Variants in CSMD1 observed in about 807,000 individuals in gnomAD.
CSMD1 encodes CUB and sushi domain-containing protein 1.
CSMD1 carries 213 observed loss-of-function variants against 417.5 expected under a neutral mutation model. That is an observed-to-expected ratio of 0.51 (90% CI 0.46 to 0.57). CSMD1 has a LOEUF of 0.57. CSMD1 is among the 20% of genes least tolerant of loss of function. The pLI, the probability that CSMD1 is intolerant of heterozygous loss-of-function variation, is 0.00. For synonymous variants in CSMD1, 2,862 were observed against 1,736.8 expected, an observed-to-expected ratio of 1.65 and a Z score of -16.11; for missense variants, 6,923 against 4,529.7, an observed-to-expected ratio of 1.53 and a Z score of -15.17.
intron 5 of CSMD1, among the ~76,000 whole-genome samples, chr8:3,803,050 T>C (rs956152151): frequency 2.0e-5 from 3 of 152,140 alleles, no homozygotes; most frequent in African/African-American, 7.2e-5. Context: ...ATGCGGAAGA[T>C]GAATAAAGTG....
At chr8:4,565,396 C>A (rs926715811) in intron 2 of CSMD1, among the ~76,000 whole-genome samples, 3 of 152,080 alleles carry the variant, frequency 2.0e-5, no homozygotes, top group African/African-American at 7.2e-5. Flanking sequence ...TTAACCTCTT[C>A]ATTTTACATT....
intron 5 of CSMD1, among the ~76,000 whole-genome samples, chr8:3,796,106 A>C (rs867152474): frequency 7.1e-5 from 1 of 14,060 alleles, no homozygotes; most frequent in African/African-American, 1.9e-4. Context: ...AGATATAGAT[A>C]TATATCTATC....
At chr8:4,865,958 T>A (rs1251395878) in intron 1 of CSMD1, among the ~76,000 whole-genome samples, 1 of 151,760 alleles carries the variant, frequency 6.6e-6, no homozygotes, top group South Asian at 2.1e-4. Flanking sequence ...TTTTTAAAAA[T>A]ATATTTACAC....
At chr8:4,939,732 C>T (rs1276350926) in intron 1 of CSMD1, among the ~76,000 whole-genome samples, 4 of 152,088 alleles carry the variant, frequency 2.6e-5, no homozygotes, top group African/African-American at 4.8e-5. Context: ...TATTGTACAG[C>T]ACAGAGAGTA....
chr8:4,911,478 T>A (rs934809553), intron 1 of CSMD1, among the ~76,000 whole-genome samples: 2 of 152,150 alleles, frequency 1.3e-5, no homozygotes, highest in African/African-American at 4.8e-5. Context: ...GTGATTAAGG[T>A]GTGGGTCTAT....
intron 7 of CSMD1, among the ~76,000 whole-genome samples, chr8:3,622,279 T>G (rs955470301): frequency 3.3e-5 from 5 of 152,198 alleles, no homozygotes; most frequent in African/African-American, 1.2e-4. Flanking sequence ...GCAAAATCAT[T>G]ATTGCTGTGG....
In CSMD1 at chr8:4,156,803, C is replaced by T. The variant is rs190993157; in HGVS notation, c.416-124704G>A. Among the ~76,000 whole-genome samples, 1,102 of 152,250 alleles carry T rather than the reference C, an allele frequency of 7.2e-3. 3 individuals are homozygous for T. Among genetic ancestry groups the T allele is most frequent in the Non-Finnish European group, 0.011 (779 of 68,024 alleles). ...TTTGGGAAGGGCCCAAATTACAGAT[C>T]CCAGCAGCGAGCAGCAAGTACTATG... is the stretch of plus-strand genomic sequence containing the variant. On this transcript the variant is annotated intron_variant, in intron 3 of 69. Coordinates refer to ENST00000635120, the MANE Select transcript of CSMD1 (RefSeq NM_033225.6).
At chr8:4,099,990 C>A (rs990064879) in intron 3 of CSMD1, among the ~76,000 whole-genome samples, 2 of 151,310 alleles carry the variant, frequency 1.3e-5, no homozygotes, top group African/African-American at 4.9e-5. Flanking sequence ...TGTCTAAACT[C>A]TCATTCATTT....
At chr8:4,241,785 A>G (rs908365677) in intron 3 of CSMD1, among the ~76,000 whole-genome samples, 1 of 150,516 alleles carries the variant, frequency 6.6e-6, no homozygotes, top group East Asian at 1.9e-4. Flanking sequence ...ATGTCTGCTC[A>G]CTACAAGCTC....
intron 12 of CSMD1, among the ~76,000 whole-genome samples, chr8:3,450,073 G>A (rs920032502): frequency 6.6e-5 from 10 of 152,066 alleles, no homozygotes; most frequent in African/African-American, 1.4e-4. Flanking sequence ...TACGAAATTC[G>A]GAAAATCATC....
chr8:3,029,562 A>C, intron 50 of CSMD1, 49 bp from the exon 51 acceptor site: 1 of 1,497,856 alleles, frequency 6.7e-7, no homozygotes, highest in African/African-American at 1.4e-5. Context: ...TTTGGAAAAC[A>C]TCAGACCGTG....
rs143526106 is a variant in CSMD1, at chr8:3,781,340, T to A, written c.819-27298A>T. On this transcript the variant is annotated intron_variant, in intron 5 of 69. Coordinates refer to ENST00000635120, the MANE Select transcript of CSMD1 (RefSeq NM_033225.6). ...TTTGTTCTTTTCATTCTTTACTCAT[T>A]GAACACGGAGTCTAGGGTCAGGTCA... 8.6e-3 allele frequency among the ~76,000 whole-genome samples: 1,316 copies of A among 152,278 alleles called. 15 individuals carry two copies. The highest frequency in any genetic ancestry group is 0.023 in the South Asian group (113 of 4,820).
chr8:4,833,107 T>A (rs1800248880), intron 1 of CSMD1, among the ~76,000 whole-genome samples: 1 of 152,192 alleles, frequency 6.6e-6, no homozygotes, highest in African/African-American at 2.4e-5. Flanking sequence ...GTATTTGAGT[T>A]TTCATTTATT....
At chr8:3,313,393 A>AATC (rs1405635843) in intron 23 of CSMD1, among the ~76,000 whole-genome samples, 1 of 152,228 alleles carries the variant, frequency 6.6e-6, no homozygotes, top group East Asian at 1.9e-4. Flanking sequence ...TAATATGCAC[A>AATC]ATCTACAATG....
At position 4,378,181 on chromosome 8, in the gene CSMD1, C is replaced by T. The variant is rs112586977; in HGVS notation, c.415+41772G>A. On this transcript the variant is annotated intron_variant, in intron 3 of 69. Coordinates refer to ENST00000635120, the MANE Select transcript of CSMD1 (RefSeq NM_033225.6). ...TTCACTTATACTCTAGATATTGCGACTCTAATCGGCGTCCAACGAATTAGT... is the reference window on the plus strand; with the variant it reads ...TTCACTTATACTCTAGATATTGCGATTCTAATCGGCGTCCAACGAATTAGT... Among the ~76,000 whole-genome samples, 906 of 152,300 alleles carry T rather than the reference C, an allele frequency of 5.9e-3. 5 individuals are homozygous for T. Among genetic ancestry groups the T allele is most frequent in the African/African-American group, 0.021 (863 of 41,562 alleles).
At chr8:4,008,600 C>CTTTTTTTTTTTTTTTTTTTT (rs1161117794) in intron 4 of CSMD1, among the ~76,000 whole-genome samples, 6 of 80,408 alleles carry the variant, frequency 7.5e-5, no homozygotes, top group East Asian at 4.0e-4. Context: ...TTCTTTTTTT[C>CTTTTTTTTTTTTTTTTTTTT]TTTTTTTTTT....
intron 5 of CSMD1, among the ~76,000 whole-genome samples, chr8:3,860,370 T>C (rs574846921): frequency 6.6e-6 from 1 of 152,354 alleles, no homozygotes; most frequent in Non-Finnish European, 1.5e-5. Flanking sequence ...TTTTATTTTA[T>C]GATATATTAA....
chr8:4,077,443 T>A (rs1799892333), intron 3 of CSMD1, among the ~76,000 whole-genome samples: 1 of 151,780 alleles, frequency 6.6e-6, no homozygotes, highest in African/African-American at 2.4e-5. Flanking sequence ...AATTTGAGTA[T>A]CCTATACATA....
chr8:4,517,902 G>C (rs974122036), intron 2 of CSMD1, among the ~76,000 whole-genome samples: 1 of 152,158 alleles, frequency 6.6e-6, no homozygotes, highest in Non-Finnish European at 1.5e-5. Context: ...AGGGTGTCTA[G>C]TAACAGTCTA....
Sources: gnomAD v4.1 joint callset for allele counts (sites outside exome capture counted in the v4.1 genomes callset) on GRCh38, gnomAD v4.1.1 for gene constraint, MANE v1.5 for transcripts, NCBI Gene and HGNC (gene_info 2026-07-23, HGNC 2026-07-21) for gene names.